LRRC4C: variants seen among roughly 807,000 people sequenced by gnomAD.
LRRC4C encodes leucine rich repeat containing 4C, also known as leucine-rich repeat-containing protein 4C.
Under a neutral mutation model 33.6 loss-of-function variants are expected in LRRC4C, and 5 were observed. The observed-to-expected ratio is 0.15, with a 90% CI of 0.08 to 0.31. The LOEUF is 0.31. Among genes scored for constraint, LRRC4C ranks in the 10% least tolerant of loss-of-function variants. The probability of loss-of-function intolerance (pLI) is 1.00; values close to 1 mark genes in which losing one functional copy is unlikely to be tolerated. For synonymous variants in LRRC4C, 329 were observed against 302.0 expected (o/e 1.09, Z -0.93); for missense variants, 560 against 796.7 (o/e 0.70, Z 3.58).
intron 2 of LRRC4C, among the ~76,000 whole-genome samples, chr11:40,914,628 C>A (rs376872251): frequency 3.3e-4 from 50 of 152,186 alleles, no homozygotes; most frequent in East Asian, 1.2e-3. Flanking sequence ...TTCCCTTTGA[C>A]AACTGGCACA....
chr11:40,755,033 A>G (rs746275722), intron 2 of LRRC4C, among the ~76,000 whole-genome samples: 3 of 152,140 alleles, frequency 2.0e-5, no homozygotes, highest in Non-Finnish European at 4.4e-5. Flanking sequence ...ACATACATTC[A>G]TAGATCTTAA....
intron 1 of LRRC4C, among the ~76,000 whole-genome samples, chr11:40,997,043 G>T (rs1854028269): frequency 1.3e-5 from 2 of 152,020 alleles, no homozygotes. Flanking sequence ...AGAGGCTTAT[G>T]GTATATACAT....
chr11:41,168,025 T>C (rs528904997), intron 1 of LRRC4C, among the ~76,000 whole-genome samples: 1 of 152,222 alleles, frequency 6.6e-6, no homozygotes, highest in South Asian at 2.1e-4. Context: ...CATGGTTCTG[T>C]TATTGTTTGA....
chr11:40,583,061 T>C (rs933293597), intron 3 of LRRC4C, among the ~76,000 whole-genome samples: 14 of 152,222 alleles, frequency 9.2e-5, no homozygotes, highest in African/African-American at 3.4e-4. Context: ...GTACTTATTC[T>C]TTCTACCTAA....
chr11:40,262,391 A>C (rs979182485), intron 4 of LRRC4C, among the ~76,000 whole-genome samples: 1 of 152,198 alleles, frequency 6.6e-6, no homozygotes, highest in Non-Finnish European at 1.5e-5. Flanking sequence ...GTGGGAGTGC[A>C]AATTAGTTCA....
chr11:40,485,800 C>A (rs1270163946), intron 3 of LRRC4C, among the ~76,000 whole-genome samples: 1 of 151,930 alleles, frequency 6.6e-6, no homozygotes, highest in Admixed American at 6.6e-5. Context: ...TACATATACA[C>A]CACGGAATAC....
At chr11:40,118,106 A>G (rs1340034436) in intron 6 of LRRC4C, among the ~76,000 whole-genome samples, 1 of 148,580 alleles carries the variant, frequency 6.7e-6, no homozygotes, top group East Asian at 1.9e-4. Flanking sequence ...TATTAATTTC[A>G]TTATAAATTG....
intron 2 of LRRC4C, among the ~76,000 whole-genome samples, chr11:40,925,168 T>A (rs1011973034): frequency 1.3e-5 from 2 of 152,078 alleles, no homozygotes; most frequent in Non-Finnish European, 2.9e-5. Flanking sequence ...CATATTTACA[T>A]CTTCTTCTTT....
intron 3 of LRRC4C, among the ~76,000 whole-genome samples, chr11:40,435,817 T>C (rs544316167): frequency 2.6e-5 from 4 of 152,260 alleles, no homozygotes; most frequent in Non-Finnish European, 4.4e-5. Context: ...TGGGATCCTA[T>C]AGGGGAATGA....
intron 2 of LRRC4C, among the ~76,000 whole-genome samples, chr11:40,849,022 T>A (rs1270052610): frequency 2.0e-5 from 3 of 152,212 alleles, no homozygotes; most frequent in Non-Finnish European, 4.4e-5. Flanking sequence ...ATCCCTTTAT[T>A]TTGAGCATAT....
chr11:41,160,293 C>T (rs954801248), intron 1 of LRRC4C, among the ~76,000 whole-genome samples: 19 of 151,280 alleles, frequency 1.3e-4, no homozygotes, highest in Non-Finnish European at 2.4e-4. Context: ...GACTTCATGC[C>T]AGGAGATCAA....
intron 1 of LRRC4C, among the ~76,000 whole-genome samples, chr11:41,455,988 G>C (rs1293292667): frequency 6.6e-6 from 1 of 152,044 alleles, no homozygotes; most frequent in East Asian, 1.9e-4. Context: ...TGAGTGAGTT[G>C]GCTTAATTTA....
At position 40,152,650 on chromosome 11, in the gene LRRC4C, A is replaced by C. The variant is rs544846990; in HGVS notation, c.-95-11797T>G. 2.0e-5 allele frequency among the ~76,000 whole-genome samples: 3 copies of C among 152,158 alleles called. No homozygotes were observed. The East Asian group carries it at 5.8e-4, about 30-fold the overall frequency. On this transcript the variant is annotated intron_variant, in intron 5 of 6. Coordinates refer to ENST00000528697, the MANE Select transcript of LRRC4C (RefSeq NM_001258419.2). ...CTTCAGTTTGTGTGGGAGCTGGGTG[A>C]GGCCTGTGATTGCCAGCTTTCCCCC...
At chr11:41,075,537 C>A (rs538630239) in intron 1 of LRRC4C, among the ~76,000 whole-genome samples, 2 of 152,106 alleles carry the variant, frequency 1.3e-5, no homozygotes, top group South Asian at 4.1e-4. Context: ...TTTATTACAC[C>A]AAAATTTTCA....
At chr11:40,939,577 T>G (rs1432271144) in intron 1 of LRRC4C, among the ~76,000 whole-genome samples, 1 of 152,096 alleles carries the variant, frequency 6.6e-6, no homozygotes, top group Non-Finnish European at 1.5e-5. Flanking sequence ...CACCTGGGGA[T>G]TCACCAGAAA....
At chr11:41,371,018 T>C (rs1321492650) in intron 1 of LRRC4C, among the ~76,000 whole-genome samples, 4 of 152,174 alleles carry the variant, frequency 2.6e-5, no homozygotes, top group Non-Finnish European at 4.4e-5. Context: ...CTGAGAAAGA[T>C]GAAATTTTTC....
intron 4 of LRRC4C, among the ~76,000 whole-genome samples, chr11:40,280,469 C>G (rs142970141): frequency 6.6e-6 from 1 of 152,176 alleles, no homozygotes; most frequent in Non-Finnish European, 1.5e-5. Flanking sequence ...CTCAGGTCTG[C>G]GACACGGTCC....
intron 2 of LRRC4C, among the ~76,000 whole-genome samples, chr11:40,680,149 T>C (rs1265936260): frequency 6.6e-6 from 1 of 152,212 alleles, no homozygotes; most frequent in Non-Finnish European, 1.5e-5. Context: ...CGAACTTGCA[T>C]GGGGCCTTTA....
intron 3 of LRRC4C, among the ~76,000 whole-genome samples, chr11:40,574,188 T>G (rs1958090984): frequency 6.6e-6 from 1 of 152,204 alleles, no homozygotes; most frequent in African/African-American, 2.4e-5. Flanking sequence ...AAGGACTCCT[T>G]CCATCTTTAT....
Sources: allele counts gnomAD v4.1 joint callset (sites outside exome capture counted in the v4.1 genomes callset), GRCh38; gene constraint gnomAD v4.1.1; transcripts MANE v1.5; gene names NCBI Gene and HGNC (gene_info 2026-07-23, HGNC 2026-07-21).